Variants in SREBF2 observed in about 807,000 individuals in gnomAD.
SREBF2 encodes sterol regulatory element binding transcription factor 2.
Under a neutral mutation model 113.1 loss-of-function variants are expected in SREBF2, and 55 were observed. The ratio of observed to expected loss-of-function variants is 0.49; its 90% confidence interval spans 0.39 to 0.61. SREBF2 has a LOEUF of 0.61. Among genes scored for constraint, SREBF2 ranks in the 20% least tolerant of loss-of-function variants. The pLI, the probability that SREBF2 is intolerant of heterozygous loss-of-function variation, is 0.00. For synonymous variants in SREBF2, 593 were observed against 605.7 expected (o/e 0.98, Z 0.31); for missense variants, 1,349 against 1,487.4 (o/e 0.91, Z 1.53).
rs2077145234 is a variant in SREBF2, at chr22:41,871,828, G to A, written c.867+793G>A. 4.0e-5 allele frequency among the ~76,000 whole-genome samples: 6 copies of A among 151,680 alleles called. No individual in the cohort carries two copies. The South Asian group carries it at 1.0e-3, about 26-fold the overall frequency. On this transcript the variant is annotated intron_variant, in intron 4 of 18. Transcript: ENST00000361204. Reference sequence around the variant, plus strand: ...GCAGGAGAATTGCTTGAACCTGAGAGGTGGAAGCTGCAGTGAGCCGAGATC... The same window carrying A: ...GCAGGAGAATTGCTTGAACCTGAGAAGTGGAAGCTGCAGTGAGCCGAGATC...
Position 41,880,578 on chromosome 22 carries a change from G to C in SREBF2, c.1762-138G>C, listed in dbSNP as rs183732300. 4.7e-4 allele frequency: 544 copies of C among 1,147,662 alleles called. 2 individuals are homozygous for C. The African/African-American group carries it at 7.6e-3, about 16-fold the overall frequency. The allele number at this position is 1,147,662 out of a possible 1,614,324, so 71.1% of individuals were successfully genotyped here. On this transcript the variant is annotated intron_variant, in intron 9 of 18. Coordinates refer to ENST00000361204, the MANE Select transcript of SREBF2 (RefSeq NM_004599.4). ...GGTGGTTTTGTTTTACTTTCTTGTA[G>C]CTTTCTGAAGTTTCCCTCGTTTTTA...
At chr22:41,851,538 G>T (rs2076930425) in intron 1 of SREBF2, among the ~76,000 whole-genome samples, 2 of 151,956 alleles carry the variant, frequency 1.3e-5, no homozygotes, top group Non-Finnish European at 2.9e-5. Context: ...TTGTCCCCCA[G>T]TCTGGAGTGC....
intron 11 of SREBF2, among the ~76,000 whole-genome samples, chr22:41,887,576 G>A (rs777432417): frequency 4.6e-5 from 7 of 152,108 alleles, no homozygotes; most frequent in East Asian, 3.8e-4. Context: ...TAGATTGTTC[G>A]TTCTCATATT....
intron 15 of SREBF2, chr22:41,899,137 G>A: frequency 1.0e-6 from 1 of 956,226 alleles, no homozygotes. Flanking sequence ...GGCACTGGTG[G>A]TTCACAATCA....
chr22:41,898,928 G>A (rs1240315903), intron 15 of SREBF2, 147 bp downstream of exon 15: 2 of 1,198,556 alleles, frequency 1.7e-6, no homozygotes, highest in East Asian at 2.6e-5. Flanking sequence ...CGGGGGTGAG[G>A]GCACCATGGA....
intron 15 of SREBF2, chr22:41,899,551 A>C (rs1156434352): frequency 2.0e-6 from 2 of 992,676 alleles, no homozygotes; most frequent in East Asian, 1.1e-4. Context: ...GGAGCTGAGA[A>C]GAGTGAGTAT....
chr22:41,895,313 G>A (rs1269175726), intron 13 of SREBF2, among the ~76,000 whole-genome samples: 1 of 146,508 alleles, frequency 6.8e-6, no homozygotes, highest in Non-Finnish European at 1.5e-5. Context: ...CTAATTTTTT[G>A]TATTTTTAGT....
At chr22:41,844,131 C>A (rs1471489200) in intron 1 of SREBF2, among the ~76,000 whole-genome samples, 2 of 151,744 alleles carry the variant, frequency 1.3e-5, no homozygotes, top group Non-Finnish European at 2.9e-5. Flanking sequence ...CTTAAAGTGA[C>A]TTCCCCTGGG....
chr22:41,866,427 A>G (rs133285), intron 1 of SREBF2, among the ~76,000 whole-genome samples: 152,355 of 152,360 alleles, frequency 1, 76,175 homozygotes, highest in Middle Eastern at 1. Flanking sequence ...CCGTGCACCT[A>G]TAGTCCCAGC....
chr22:41,836,771 G>A (rs1191708456), intron 1 of SREBF2, among the ~76,000 whole-genome samples: 6 of 152,178 alleles, frequency 3.9e-5, no homozygotes, highest in East Asian at 1.9e-4. Context: ...CTAGGAGCCG[G>A]TCAGGTGAGG....
At chr22:41,862,521 G>C (rs1232264143) in intron 1 of SREBF2, among the ~76,000 whole-genome samples, 3 of 152,132 alleles carry the variant, frequency 2.0e-5, no homozygotes, top group Non-Finnish European at 4.4e-5. Context: ...CATTTTCAAA[G>C]CTCCATAAAA....
chr22:41,849,448 G>A (rs1302729567), intron 1 of SREBF2, among the ~76,000 whole-genome samples: 1 of 152,128 alleles, frequency 6.6e-6, no homozygotes, highest in Non-Finnish European at 1.5e-5. Flanking sequence ...TCCCGCCTTA[G>A]CCTCCCAAAG....
At chr22:41,877,485 G>A (rs2077207532) in intron 8 of SREBF2, 64 bp downstream of exon 8, 1 of 1,571,606 alleles carries the variant, frequency 6.4e-7, no homozygotes, top group Non-Finnish European at 8.7e-7. Context: ...GAAGGACCCT[G>A]TGTACAAACT....
chr22:41,857,118 A>G (rs1292017755), intron 1 of SREBF2, among the ~76,000 whole-genome samples: 1 of 152,172 alleles, frequency 6.6e-6, no homozygotes, highest in Non-Finnish European at 1.5e-5. Context: ...TTGGATGAAC[A>G]AGATACTCAA....
chr22:41,835,231 A>AGAGATGAGGTCTCACTATGTAGCCAG (rs1569365063), intron 1 of SREBF2, among the ~76,000 whole-genome samples: 3 of 84,738 alleles, frequency 3.5e-5, no homozygotes, highest in African/African-American at 1.4e-4. Context: ...GCACAATCAT[A>AGAGATGAGGTCTCACTATGTAGCCAG]GCACAAACTC....
Position 41,833,131 on chromosome 22 carries a change from G to A in SREBF2, c.-140G>A. The A allele has an allele frequency of 5.1e-6, 3 of 589,722 alleles. No individual in the cohort carries two copies. The highest frequency in any genetic ancestry group is 9.7e-4 in the Middle Eastern group (2 of 2,066). 36.5% of individuals were successfully genotyped at this position (589,722 alleles called of 1,614,324 possible). ...TTTCTGTGCGGCGCCCGGGCGCAAC[G>A]CAAACATGGCGGCGGGTGGCACCCG... On this transcript the variant is annotated 5_prime_UTR_variant, in exon 1 of 19. Transcript: ENST00000361204. The surrounding 1 kb of genome is among the most constrained non-coding windows in gnomAD (Gnocchi z 4.1).
chr22:41,841,122 A>G (rs142538443), intron 1 of SREBF2, among the ~76,000 whole-genome samples: 3 of 152,312 alleles, frequency 2.0e-5, no homozygotes, highest in African/African-American at 7.2e-5. Context: ...TGGCTGAGCT[A>G]GGAGTGAGTG....
At position 41,878,020 on chromosome 22, in the gene SREBF2, T is replaced by C. The variant is rs777500819; in HGVS notation, c.1658T>C (p.Phe553Ser). The C allele has an allele frequency of 6.2e-7, 1 of 1,614,076 alleles. No homozygotes were observed. The highest frequency in any genetic ancestry group is 2.2e-5 in the East Asian group (1 of 44,880). Residue 553 changes from phenylalanine (F) to serine (S), a missense_variant, in exon 9 of 19, where the codon TTT (phenylalanine) becomes TCT (serine). Physicochemically the swap from Phe to Ser is radical, Grantham distance 155. Coordinates refer to ENST00000361204, the MANE Select transcript of SREBF2 (RefSeq NM_004599.4). ...LVNGVIVLSV[F>S]VKLLVHGEPV... is the part of the protein sequence containing the mutation. ...AATGGTGTGATTGTCCTGAGCGTCTTTGTGAAGCTGCTGGTTCATGGGGAG... is the reference window on the plus strand; with the variant it reads ...AATGGTGTGATTGTCCTGAGCGTCTCTGTGAAGCTGCTGGTTCATGGGGAG...
At position 41,875,540 on chromosome 22, in the gene SREBF2, C is replaced by T; in HGVS notation, c.1205-3C>T. ...TTTTCACCAGGTGGGGTTTTCTTTG[C>T]AGAGCTTCTAAAGGGCATCGACCTA... On this transcript the variant is annotated splice_polypyrimidine_tract_variant and splice_region_variant and intron_variant, in intron 6 of 18. Coordinates refer to ENST00000361204, the MANE Select transcript of SREBF2 (RefSeq NM_004599.4). The T allele has an allele frequency of 6.2e-7, 1 of 1,614,184 alleles. No individual in the cohort carries two copies. Among genetic ancestry groups the T allele is most frequent in the Non-Finnish European group, 8.5e-7 (1 of 1,180,042 alleles).
Sources: gnomAD v4.1 joint callset for allele counts (sites outside exome capture counted in the v4.1 genomes callset) on GRCh38, gnomAD v4.1.1 for gene constraint, Gnocchi (gnomAD v3.1) non-coding constraint, MANE v1.5 for transcripts, NCBI Gene and HGNC (gene_info 2026-07-23, HGNC 2026-07-21) for gene names.